ZNF521: variants seen among roughly 807,000 people sequenced by gnomAD.
ZNF521 encodes LYST-interacting protein 3.
A neutral mutation model predicts 105.5 loss-of-function variants in ZNF521; 14 were observed. The ratio of observed to expected loss-of-function variants is 0.13; its 90% CI spans 0.09 to 0.21. The LOEUF is 0.21. ZNF521 is among the 10% of genes least tolerant of loss of function. The pLI is 1.00. For missense variants in ZNF521, 1,233 were observed against 1,629.7 expected (o/e 0.76, Z 4.19); for synonymous variants, 635 against 606.0 (o/e 1.05, Z -0.70).
intron 5 of ZNF521, among the ~76,000 whole-genome samples, chr18:25,148,449 A>C (rs1411503225): frequency 6.6e-6 from 1 of 152,162 alleles, no homozygotes; most frequent in Non-Finnish European, 1.5e-5. Flanking sequence ...TTTTAAAAAA[A>C]TTAAAGTTTC....
intron 2 of ZNF521, among the ~76,000 whole-genome samples, chr18:25,340,146 A>C (rs754191306): frequency 8.6e-5 from 13 of 152,020 alleles, no homozygotes; most frequent in Non-Finnish European, 1.6e-4. Context: ...CTTGAGGTCA[A>C]GAGTTTGAGA....
intron 2 of ZNF521, among the ~76,000 whole-genome samples, chr18:25,324,881 T>C (rs994277523): frequency 2.0e-5 from 3 of 152,244 alleles, no homozygotes; most frequent in African/African-American, 7.2e-5. Flanking sequence ...CCCCAGTCCA[T>C]GCTTCCAACA....
intron 4 of ZNF521, among the ~76,000 whole-genome samples, chr18:25,207,779 C>T (rs1260911970): frequency 6.6e-6 from 1 of 152,132 alleles, no homozygotes. Flanking sequence ...TCTTAGTTCC[C>T]CTTCAGGTCA....
intron 7 of ZNF521, among the ~76,000 whole-genome samples, chr18:25,076,080 T>G (rs1438326976): frequency 6.6e-6 from 1 of 152,172 alleles, no homozygotes; most frequent in Non-Finnish European, 1.5e-5. Flanking sequence ...TCTTGAGAGA[T>G]CCCAGTAATG....
chr18:25,085,653 A>ATGTGTGTG (rs10569576), intron 7 of ZNF521, among the ~76,000 whole-genome samples: 1 of 144,348 alleles, frequency 6.9e-6, no homozygotes, highest in Non-Finnish European at 1.5e-5. Flanking sequence ...CCATATATAT[A>ATGTGTGTG]TGTGTGTGTG....
At chr18:25,139,556 C>T (rs1398641052) in intron 5 of ZNF521, among the ~76,000 whole-genome samples, 2 of 152,022 alleles carry the variant, frequency 1.3e-5, no homozygotes, top group Non-Finnish European at 2.9e-5. Flanking sequence ...CTGCTGAGTG[C>T]CTCTAGTAGA....
chr18:25,223,170 G>A (rs1288916874), intron 4 of ZNF521, among the ~76,000 whole-genome samples: 1 of 152,218 alleles, frequency 6.6e-6, no homozygotes, highest in Non-Finnish European at 1.5e-5. Context: ...CATAATCAAA[G>A]CTATGTTCTT....
chr18:25,317,699 T>A (rs1249084609), intron 3 of ZNF521, among the ~76,000 whole-genome samples: 3 of 152,178 alleles, frequency 2.0e-5, no homozygotes, highest in African/African-American at 4.8e-5. Flanking sequence ...TTTAATGGGA[T>A]TTTCCCAAAA....
intron 3 of ZNF521, among the ~76,000 whole-genome samples, chr18:25,284,929 C>T (rs534962078): frequency 6.6e-6 from 1 of 152,066 alleles, no homozygotes; most frequent in South Asian, 2.1e-4. Context: ...CACACACACA[C>T]ACACAGGGAG....
chr18:25,096,294 T>C (rs906725414), intron 5 of ZNF521, among the ~76,000 whole-genome samples: 1 of 152,210 alleles, frequency 6.6e-6, no homozygotes, highest in African/African-American at 2.4e-5. Flanking sequence ...TTTTGTGCTC[T>C]AAGAAAACCA....
At chr18:25,199,202 G>C (rs2035951687) in intron 4 of ZNF521, among the ~76,000 whole-genome samples, 1 of 151,428 alleles carries the variant, frequency 6.6e-6, no homozygotes, top group African/African-American at 2.4e-5. Flanking sequence ...ATGGCCTGTT[G>C]TCTTTGAAAA....
chr18:25,092,881 G>T (rs982625293), intron 5 of ZNF521, among the ~76,000 whole-genome samples: 4 of 152,086 alleles, frequency 2.6e-5, no homozygotes, highest in African/African-American at 4.8e-5. Flanking sequence ...AACATTTATG[G>T]ATTTTAAACA....
At chr18:25,177,997 A>T (rs2144581214) in intron 5 of ZNF521, among the ~76,000 whole-genome samples, 1 of 152,320 alleles carries the variant, frequency 6.6e-6, no homozygotes, top group East Asian at 1.9e-4. Flanking sequence ...AACATAAAAG[A>T]GTGTTCTTCT....
Position 25,226,769 on chromosome 18 carries a change from C to T in ZNF521, c.1149G>A (p.Arg383=). The T allele has an allele frequency of 6.2e-7, 1 of 1,614,122 alleles. No homozygotes were observed. The highest frequency in any genetic ancestry group is 8.5e-7 in the Non-Finnish European group (1 of 1,180,010). The change falls in exon 4 of 8, where the codon AGG becomes AGA. Residue 383 remains arginine, a synonymous_variant. Coordinates refer to ENST00000361524, the MANE Select transcript of ZNF521 (RefSeq NM_015461.3). This position sits in a 1 kb window ranked among gnomAD's most constrained non-coding sequence, Gnocchi z 4.1. The part of the protein sequence containing the change: ...AAPPIPKSRG[R]KRAAQQTPDM... ...CAGGGGTTTGTTGAGCGGCCCTCTT[C>T]CTCCCTCGACTCTTTGGGATTGGCG...
chr18:25,238,359 A>G (rs1337578727), intron 3 of ZNF521, among the ~76,000 whole-genome samples: 7 of 152,224 alleles, frequency 4.6e-5, no homozygotes, highest in Admixed American at 3.9e-4. Context: ...CTACAAACCT[A>G]TAACTCTCTG....
At chr18:25,067,638 T>C (rs965940834) in intron 7 of ZNF521, among the ~76,000 whole-genome samples, 2 of 152,204 alleles carry the variant, frequency 1.3e-5, no homozygotes, top group Non-Finnish European at 2.9e-5. Flanking sequence ...GCTAAAGACA[T>C]TCCATTTTCC....
At chr18:25,319,176 C>A (rs1305744932) in intron 3 of ZNF521, among the ~76,000 whole-genome samples, 1 of 152,004 alleles carries the variant, frequency 6.6e-6, no homozygotes, top group Non-Finnish European at 1.5e-5. Context: ...AATTATGACC[C>A]ACTGAATAAA....
chr18:25,312,986 G>A (rs142764818), intron 3 of ZNF521, among the ~76,000 whole-genome samples: 227 of 152,220 alleles, frequency 1.5e-3, no homozygotes, highest in Middle Eastern at 6.8e-3. Flanking sequence ...TTGGTGAGCC[G>A]TTTTTCACCT....
intron 5 of ZNF521, among the ~76,000 whole-genome samples, chr18:25,099,657 T>G (rs2033926680): frequency 6.6e-6 from 1 of 152,220 alleles, no homozygotes; most frequent in Non-Finnish European, 1.5e-5. Context: ...TTGTCTGTAT[T>G]CTCATGTTAC....
Sources: allele counts gnomAD v4.1 joint callset (sites outside exome capture counted in the v4.1 genomes callset), GRCh38; gene constraint gnomAD v4.1.1; non-coding constraint Gnocchi (gnomAD v3.1); transcripts MANE v1.5; gene names NCBI Gene and HGNC (gene_info 2026-07-23, HGNC 2026-07-21).